The following CSMD1 variants were observed in gnomAD, a reference collection of about 807,000 sequenced individuals.
The protein encoded by CSMD1 is CUB and sushi domain-containing protein 1.
In CSMD1, 213 loss-of-function variants were observed where a neutral mutation model predicts 417.5. That is an observed-to-expected ratio of 0.51 (90% CI 0.46 to 0.57). The LOEUF is 0.57. Among genes scored for constraint, CSMD1 ranks in the 20% least tolerant of loss-of-function variants. CSMD1 has a pLI of 0.00. For synonymous variants in CSMD1, 2,862 were observed against 1,736.8 expected, an observed-to-expected ratio of 1.65 and a Z score of -16.11; for missense variants, 6,923 against 4,529.7, an observed-to-expected ratio of 1.53 and a Z score of -15.17.
intron 3 of CSMD1, among the ~76,000 whole-genome samples, chr8:4,182,838 A>T (rs1349664988): frequency 6.6e-6 from 1 of 152,214 alleles, no homozygotes. Context: ...GGTCATTCTA[A>T]TTATTGAGAC....
At chr8:3,721,798 C>T (rs1802190142) in intron 6 of CSMD1, among the ~76,000 whole-genome samples, 1 of 152,158 alleles carries the variant, frequency 6.6e-6, no homozygotes, top group African/African-American at 2.4e-5. Flanking sequence ...GGTCAATCTT[C>T]ATCATAAGCC....
chr8:3,443,934 T>A (rs7816230), intron 12 of CSMD1, among the ~76,000 whole-genome samples: 2,054 of 152,254 alleles, frequency 0.013, 46 homozygotes, highest in African/African-American at 0.046. Flanking sequence ...TAATTCCACC[T>A]TTATCAGAGT....
intron 27 of CSMD1, among the ~76,000 whole-genome samples, chr8:3,227,441 T>G (rs948205191): frequency 4.6e-5 from 7 of 152,048 alleles, no homozygotes; most frequent in African/African-American, 1.7e-4. Flanking sequence ...CCGAGAAATA[T>G]GCGAGTTTGT....
Position 3,953,407 on chromosome 8 carries a change from T to A in CSMD1, c.818+44496A>T, listed in dbSNP as rs555010849. On this transcript the variant is annotated intron_variant, in intron 5 of 69. Coordinates refer to ENST00000635120, the MANE Select transcript of CSMD1 (RefSeq NM_033225.6). ...TATATACTTAGATATTCATGTGTAATGAGTATATAGAATGTTTCTACTCAA... is the reference window on the plus strand; with the variant it reads ...TATATACTTAGATATTCATGTGTAAAGAGTATATAGAATGTTTCTACTCAA... Among the ~76,000 whole-genome samples the A allele has an allele frequency of 1.5e-4, 23 of 152,336 alleles. 1 individual carries two copies. In the South Asian group the frequency reaches 4.8e-3, roughly 32 times the overall value.
chr8:4,205,777 T>C (rs867234716), intron 3 of CSMD1, among the ~76,000 whole-genome samples: 4 of 151,976 alleles, frequency 2.6e-5, no homozygotes, highest in Non-Finnish European at 5.9e-5. Flanking sequence ...ATAGAAGAAA[T>C]AGATGCCTGT....
chr8:2,973,091 G>A (rs542279265), intron 57 of CSMD1, 26 bp downstream of exon 57: 9 of 1,601,598 alleles, frequency 5.6e-6, no homozygotes, highest in South Asian at 2.2e-5. Context: ...CTTTCAAGGT[G>A]GACCTTAAGG....
intron 3 of CSMD1, among the ~76,000 whole-genome samples, chr8:4,052,497 T>C (rs1305136491): frequency 6.6e-6 from 1 of 152,156 alleles, no homozygotes; most frequent in African/African-American, 2.4e-5. Context: ...CAGAGTGCAG[T>C]GGGAGATCAG....
intron 3 of CSMD1, among the ~76,000 whole-genome samples, chr8:4,071,903 G>C (rs781002665): frequency 8.5e-5 from 13 of 152,094 alleles, no homozygotes; most frequent in Admixed American, 5.2e-4. Flanking sequence ...GCTCCACTTA[G>C]GCATAGCTCA....
chr8:3,948,829 T>G (rs921366040), intron 5 of CSMD1, among the ~76,000 whole-genome samples: 1 of 126,656 alleles, frequency 7.9e-6, no homozygotes, highest in Non-Finnish European at 1.7e-5. Flanking sequence ...AGAGACATTT[T>G]TATTTGCAAG....
chr8:3,992,747 C>G (rs1241168475), intron 5 of CSMD1, among the ~76,000 whole-genome samples: 1 of 152,196 alleles, frequency 6.6e-6, no homozygotes, highest in African/African-American at 2.4e-5. Context: ...CACCACTGTA[C>G]TCCACACTGG....
At chr8:3,950,679 T>G (rs1811541327) in intron 5 of CSMD1, among the ~76,000 whole-genome samples, 1 of 152,216 alleles carries the variant, frequency 6.6e-6, no homozygotes, top group African/African-American at 2.4e-5. Flanking sequence ...TCCTGCCACT[T>G]TAATAATGCA....
chr8:3,528,298 C>G (rs555237006), intron 10 of CSMD1, among the ~76,000 whole-genome samples: 1 of 152,302 alleles, frequency 6.6e-6, no homozygotes, highest in East Asian at 1.9e-4. Flanking sequence ...AGGTGTTTTG[C>G]TAATAGCTCA....
At chr8:3,579,370 T>A (rs1476885222) in intron 9 of CSMD1, among the ~76,000 whole-genome samples, 1 of 152,242 alleles carries the variant, frequency 6.6e-6, no homozygotes, top group Non-Finnish European at 1.5e-5. Flanking sequence ...TTTATTTAAA[T>A]GCAATTCCAG....
intron 54 of CSMD1, among the ~76,000 whole-genome samples, chr8:2,992,458 C>T (rs1370424487): frequency 2.6e-5 from 4 of 151,922 alleles, no homozygotes; most frequent in Non-Finnish European, 5.9e-5. Context: ...AAGTCTCGCT[C>T]TGTCAGTCAG....
At chr8:4,120,128 C>G (rs1585356491) in intron 3 of CSMD1, among the ~76,000 whole-genome samples, 1 of 152,124 alleles carries the variant, frequency 6.6e-6, no homozygotes, top group South Asian at 2.1e-4. Flanking sequence ...GATGTGAATA[C>G]TACACATCGC....
Position 4,459,027 on chromosome 8 carries a change from C to T in CSMD1, c.303-38962G>A, listed in dbSNP as rs73660864. ...AGCTTGGGCCACAGCCTGCTTTCTT[C>T]CCCTTATCTCCAATCTAGGTGAGTA... On this transcript the variant is annotated intron_variant, in intron 2 of 69. Coordinates refer to ENST00000635120, the MANE Select transcript of CSMD1 (RefSeq NM_033225.6). 3.5e-3 allele frequency among the ~76,000 whole-genome samples: 529 copies of T among 152,294 alleles called. 3 individuals are homozygous for T. The highest frequency in any genetic ancestry group is 0.012 in the African/African-American group (506 of 41,566).
chr8:3,809,174 T>C (rs1205633711), intron 5 of CSMD1, among the ~76,000 whole-genome samples: 1 of 152,150 alleles, frequency 6.6e-6, no homozygotes, highest in African/African-American at 2.4e-5. Flanking sequence ...ACCTCATTCT[T>C]ACTGTCCTTT....
intron 1 of CSMD1, among the ~76,000 whole-genome samples, chr8:4,753,505 C>T (rs1010428277): frequency 2.6e-5 from 4 of 151,826 alleles, no homozygotes; most frequent in South Asian, 2.1e-4. Context: ...TTTTTCATTT[C>T]GTACAAGCCC....
intron 1 of CSMD1, among the ~76,000 whole-genome samples, chr8:4,848,472 G>A (rs1170124553): frequency 2.0e-5 from 3 of 152,074 alleles, no homozygotes; most frequent in Admixed American, 1.3e-4. Flanking sequence ...TGTGATGTTG[G>A]TGCAAACAAA....
Sources: allele counts gnomAD v4.1 joint callset (sites outside exome capture counted in the v4.1 genomes callset), GRCh38; gene constraint gnomAD v4.1.1; transcripts MANE v1.5; gene names NCBI Gene and HGNC (gene_info 2026-07-23, HGNC 2026-07-21).